The following CDH11 variants were observed in gnomAD, a reference collection of about 807,000 sequenced individuals.
The protein encoded by CDH11 is cadherin 11.
Under a neutral mutation model 67.8 loss-of-function variants are expected in CDH11, and 11 were observed. The ratio of observed to expected loss-of-function variants is 0.16; its 90% CI spans 0.10 to 0.27. CDH11 has a LOEUF of 0.27. Among genes scored for constraint, CDH11 ranks in the 10% least tolerant of loss-of-function variants. CDH11 has a pLI of 1.00. For synonymous variants in CDH11, 419 were observed against 400.0 expected (o/e 1.05, Z -0.57); for missense variants, 847 against 1,031.2 (o/e 0.82, Z 2.45).
chr16:65,099,636 T>C (rs531584732), intron 1 of CDH11, among the ~76,000 whole-genome samples: 3 of 152,320 alleles, frequency 2.0e-5, no homozygotes, highest in Admixed American at 6.5e-5. Flanking sequence ...CAATAAAATA[T>C]GAGTTCAACA....
At chr16:65,078,802 T>C (rs1390686317) in intron 1 of CDH11, among the ~76,000 whole-genome samples, 1 of 152,132 alleles carries the variant, frequency 6.6e-6, no homozygotes, top group East Asian at 1.9e-4. Context: ...GGGAGAAAAC[T>C]GAGGGAACCA....
intron 12 of CDH11, chr16:64,948,683 ATCT>A (rs763742545): frequency 1.0e-4 from 166 of 1,607,914 alleles, no homozygotes; most frequent in Non-Finnish European, 1.4e-4. Context: ...AGAAGACAAA[ATCT>A]TCTGTTTACT....
chr16:64,998,920 A>C, intron 3 of CDH11, 64 bp from the exon 4 acceptor site: 1 of 1,332,196 alleles, frequency 7.5e-7, no homozygotes, highest in Non-Finnish European at 1.1e-6. Flanking sequence ...ACTCACTTAC[A>C]AGTGATTGCA....
chr16:65,057,555 ACAGT>A (rs369845124), intron 1 of CDH11, among the ~76,000 whole-genome samples: 51 of 152,318 alleles, frequency 3.3e-4, no homozygotes, highest in African/African-American at 1.2e-3. Flanking sequence ...ATCAAGGAAG[ACAGT>A]CAGTGGAGGA....
chr16:65,093,911 A>C lies in CDH11; in HGVS notation c.-298+27969T>G, dbSNP rs1046790099. The stretch of plus-strand genomic sequence containing the variant: ...ATTTGAATATATGTTCCTTGGATGA[A>C]TATTAGAACCAACTCTGCCTTAATA... On this transcript the variant is annotated intron_variant, in intron 1 of 12. Coordinates refer to ENST00000268603, the MANE Select transcript of CDH11 (RefSeq NM_001797.4). 7.6e-4 allele frequency among the ~76,000 whole-genome samples: 115 copies of C among 152,200 alleles called. 1 individual carries two copies. The highest frequency in any genetic ancestry group is 7.4e-3 in the Admixed American group (113 of 15,284).
rs116143600 is a variant in CDH11, at chr16:65,108,821, G to A, written c.-298+13059C>T. Among the ~76,000 whole-genome samples the A allele has an allele frequency of 4.6e-3, 706 of 152,228 alleles. 9 individuals are homozygous for A. Among genetic ancestry groups the A allele is most frequent in the African/African-American group, 0.016 (664 of 41,542 alleles). On this transcript the variant is annotated intron_variant, in intron 1 of 12. Transcript: ENST00000268603. ...TCTTTGGGTAGTGATCTGGATTTGC[G>A]TTCATAGTGACCAGGCAGGGATTAC...
At chr16:64,963,465 T>C (rs773080462) in intron 11 of CDH11, among the ~76,000 whole-genome samples, 2 of 152,114 alleles carry the variant, frequency 1.3e-5, no homozygotes, top group African/African-American at 2.4e-5. Flanking sequence ...TGTGAAACTA[T>C]AAAAGGTGTA....
chr16:65,068,413 G>GAAAAAAAAAA (rs57968272), intron 1 of CDH11, among the ~76,000 whole-genome samples: 1 of 100,184 alleles, frequency 1.0e-5, no homozygotes, highest in Non-Finnish European at 2.0e-5. Context: ...TATGACTACA[G>GAAAAAAAAAA]AAAAAAAAAA....
chr16:65,085,956 C>T (rs1054816448), intron 1 of CDH11, among the ~76,000 whole-genome samples: 23 of 152,328 alleles, frequency 1.5e-4, no homozygotes, highest in South Asian at 4.1e-4. Context: ...AATGTCAAAA[C>T]CAAGATTCAA....
rs985322781 is a variant in CDH11 at position 64,980,915 on chromosome 16, C to A, written c.1253+1133G>T. Among the ~76,000 whole-genome samples the A allele has an allele frequency of 3.9e-5, 6 of 152,060 alleles. No homozygotes were observed. In the East Asian group the frequency reaches 1.2e-3, roughly 30 times the overall value. On this transcript the variant is annotated intron_variant, in intron 8 of 12. Transcript: ENST00000268603. ...TGGGAAAAGAAACCCCTGCTAGAAT[C>A]CGGTCCAGGGGAAATTCCAGGGCAC...
At chr16:65,058,817 GATA>G (rs1444155090) in intron 1 of CDH11, among the ~76,000 whole-genome samples, 1 of 152,058 alleles carries the variant, frequency 6.6e-6, no homozygotes, top group Non-Finnish European at 1.5e-5. Flanking sequence ...ATAAAATGGG[GATA>G]ATAACAATTA....
At chr16:64,950,018 G>A (rs954262815) in intron 12 of CDH11, among the ~76,000 whole-genome samples, 3 of 152,072 alleles carry the variant, frequency 2.0e-5, no homozygotes, top group Non-Finnish European at 4.4e-5. Context: ...GTGTAGGTTT[G>A]GTGTCAGACA....
In CDH11 at chr16:64,947,301, T is replaced by C; in HGVS notation, c.*302A>G. 8.5e-7 allele frequency: 1 copy of C among 1,172,232 alleles called. No homozygotes were observed. Among genetic ancestry groups the C allele is most frequent in the Non-Finnish European group, 1.1e-6 (1 of 945,658 alleles). The allele number at this position is 1,172,232 out of a possible 1,614,324, so 72.6% of individuals were successfully genotyped here. On this transcript the variant is annotated 3_prime_UTR_variant, in exon 13 of 13. Coordinates refer to ENST00000268603, the MANE Select transcript of CDH11 (RefSeq NM_001797.4). ...TGGATGTTCATAACACATAAACAAT[T>C]TCCCTTCATTGTCAGTTCAGCGTTA...
chr16:65,081,617 T>C (rs551927165), intron 1 of CDH11, among the ~76,000 whole-genome samples: 176 of 147,706 alleles, frequency 1.2e-3, no homozygotes, highest in African/African-American at 4.3e-3. Context: ...CCTATCAAAA[T>C]GGGGGTCTAC....
chr16:64,970,459 T>G (rs564127860), intron 11 of CDH11, among the ~76,000 whole-genome samples: 48 of 152,300 alleles, frequency 3.2e-4, no homozygotes, highest in South Asian at 2.5e-3. Context: ...AGACGAGTTA[T>G]TTAATGATTC....
At chr16:64,988,719 C>T (rs1219210554) in intron 6 of CDH11, among the ~76,000 whole-genome samples, 1 of 152,132 alleles carries the variant, frequency 6.6e-6, no homozygotes, top group Non-Finnish European at 1.5e-5. Flanking sequence ...CATGAGTTAA[C>T]TCCAAGGCTC....
At chr16:65,011,450 A>ATT (rs549962214) in intron 2 of CDH11, among the ~76,000 whole-genome samples, 20 of 152,302 alleles carry the variant, frequency 1.3e-4, no homozygotes, top group Middle Eastern at 3.4e-3. Context: ...CAGACTTTAC[A>ATT]TTCTTAGGGT....
chr16:64,983,738 G>A lies in CDH11; in HGVS notation c.1000-1437C>T, dbSNP rs3785319. Among the ~76,000 whole-genome samples the A allele has an allele frequency of 2.0e-4, 31 of 152,128 alleles. No individual in the cohort carries two copies. In the East Asian group the frequency reaches 6.0e-3, roughly 29 times the overall value. On this transcript the variant is annotated intron_variant, in intron 7 of 12. Transcript: ENST00000268603. ...GGACCCAGCAGTTCCTTTATCCTTG[G>A]CTAGGTTACTGAGCAGCAGAAAGGA...
At chr16:65,030,656 T>C (rs1464192641) in intron 2 of CDH11, among the ~76,000 whole-genome samples, 2 of 152,172 alleles carry the variant, frequency 1.3e-5, no homozygotes, top group African/African-American at 4.8e-5. Flanking sequence ...CTGCAACCTC[T>C]GCCTCCAAGG....
Sources: gnomAD v4.1 joint callset for allele counts (sites outside exome capture counted in the v4.1 genomes callset) on GRCh38, gnomAD v4.1.1 for gene constraint, MANE v1.5 for transcripts, NCBI Gene and HGNC (gene_info 2026-07-23, HGNC 2026-07-21) for gene names.